Variants in MAPKAP1 observed in about 807,000 individuals in gnomAD.
MAPKAP1 encodes the protein MAPK associated protein 1.
In MAPKAP1, 20 loss-of-function variants were observed where a neutral mutation model predicts 65.7. That is an observed-to-expected ratio of 0.30 (90% confidence interval 0.21 to 0.44). The LOEUF (loss-of-function observed/expected upper bound fraction) is 0.44. Among genes scored for constraint, MAPKAP1 ranks in the 20% least tolerant of loss-of-function variants. The pLI, the probability that MAPKAP1 is intolerant of heterozygous loss-of-function variation, is 1.00. For synonymous variants in MAPKAP1, 222 were observed against 244.3 expected, an observed-to-expected ratio of 0.91 and a Z score of 0.85; for missense variants, 423 against 648.0, an observed-to-expected ratio of 0.65 and a Z score of 3.77.
intron 5 of MAPKAP1, among the ~76,000 whole-genome samples, chr9:125,566,691 T>C (rs897617886): frequency 2.0e-5 from 3 of 152,200 alleles, no homozygotes; most frequent in Non-Finnish European, 2.9e-5. Flanking sequence ...GAGAAACCTA[T>C]TTCTATAGGA....
intron 8 of MAPKAP1, among the ~76,000 whole-genome samples, chr9:125,485,032 C>T (rs1311155727): frequency 2.6e-5 from 4 of 152,164 alleles, no homozygotes; most frequent in African/African-American, 7.2e-5. Flanking sequence ...TCTCACCCTG[C>T]GCCCCACAGC....
intron 1 of MAPKAP1, among the ~76,000 whole-genome samples, chr9:125,703,079 A>G (rs1835652055): frequency 6.6e-6 from 1 of 152,124 alleles, no homozygotes; most frequent in South Asian, 2.1e-4. Context: ...TCTTTTCCAA[A>G]AAGTGTCAAA....
chr9:125,706,053 C>G (rs1003997307), intron 1 of MAPKAP1, among the ~76,000 whole-genome samples: 2 of 152,074 alleles, frequency 1.3e-5, no homozygotes, highest in African/African-American at 2.4e-5. Context: ...ACCAGCATGC[C>G]CCAAATCCCG....
intron 4 of MAPKAP1, among the ~76,000 whole-genome samples, chr9:125,597,014 A>T (rs1301975650): frequency 3.3e-5 from 5 of 150,004 alleles, no homozygotes; most frequent in Admixed American, 2.7e-4. Flanking sequence ...CTGTAATCCC[A>T]GCACTTTGGA....
At chr9:125,567,881 G>A (rs1198202536) in intron 5 of MAPKAP1, 1 of 152,226 alleles carries the variant, frequency 6.6e-6, no homozygotes, top group African/African-American at 2.4e-5. Flanking sequence ...AGCTAACTTT[G>A]GGTAAGTGGT....
intron 8 of MAPKAP1, among the ~76,000 whole-genome samples, chr9:125,493,058 A>C (rs1391255386): frequency 6.6e-6 from 1 of 151,242 alleles, no homozygotes; most frequent in African/African-American, 2.4e-5. Flanking sequence ...CCTTTGGCAC[A>C]GTGTGTGAAG....
chr9:125,476,496 A>G (rs1854116227), intron 9 of MAPKAP1, among the ~76,000 whole-genome samples: 1 of 152,176 alleles, frequency 6.6e-6, no homozygotes, highest in African/African-American at 2.4e-5. Context: ...ACTTCCTAAG[A>G]ACACGCATGT....
At chr9:125,564,441 A>G (rs1830987461) in intron 5 of MAPKAP1, among the ~76,000 whole-genome samples, 1 of 152,120 alleles carries the variant, frequency 6.6e-6, no homozygotes, top group South Asian at 2.1e-4. Flanking sequence ...TCCTTTCTTT[A>G]TAAAAGATTT....
chr9:125,583,956 G>GGGA (rs1002011145), intron 5 of MAPKAP1, among the ~76,000 whole-genome samples: 3 of 152,060 alleles, frequency 2.0e-5, no homozygotes, highest in Non-Finnish European at 2.9e-5. Flanking sequence ...CCAGCTACTC[G>GGGA]GGAGGCTGAG....
At chr9:125,640,113 T>C (rs1833534765) in intron 4 of MAPKAP1, among the ~76,000 whole-genome samples, 1 of 151,108 alleles carries the variant, frequency 6.6e-6, no homozygotes, top group Non-Finnish European at 1.5e-5. Context: ...TGTTTATCCC[T>C]TTTTTTTTGA....
chr9:125,586,156 C>T (rs1402499700), intron 4 of MAPKAP1, among the ~76,000 whole-genome samples: 3 of 152,108 alleles, frequency 2.0e-5, no homozygotes, highest in African/African-American at 4.8e-5. Context: ...GATTTAGGCC[C>T]GCAGCACTGA....
chr9:125,488,532 G>C (rs1854580545), intron 8 of MAPKAP1, among the ~76,000 whole-genome samples: 1 of 152,192 alleles, frequency 6.6e-6, no homozygotes, highest in Admixed American at 6.5e-5. Flanking sequence ...TTTTAGGAGA[G>C]ATGGGATTTC....
chr9:125,626,744 A>G (rs548776309), intron 4 of MAPKAP1, among the ~76,000 whole-genome samples: 2 of 152,304 alleles, frequency 1.3e-5, no homozygotes, highest in Middle Eastern at 3.4e-3. Context: ...AATAAAGTAG[A>G]TACATTTAAT....
chr9:125,651,017 A>C (rs945440768), intron 4 of MAPKAP1, among the ~76,000 whole-genome samples: 10 of 152,160 alleles, frequency 6.6e-5, no homozygotes, highest in Non-Finnish European at 1.3e-4. Context: ...CCTAGGCTGG[A>C]GTGCAGTGGT....
intron 3 of MAPKAP1, among the ~76,000 whole-genome samples, chr9:125,665,701 C>G (rs1442319196): frequency 1.3e-5 from 2 of 151,614 alleles, no homozygotes; most frequent in African/African-American, 4.8e-5. Context: ...ATCAAGAATT[C>G]CACAGGTGAG....
chr9:125,493,652 C>T (rs909318153), intron 8 of MAPKAP1, among the ~76,000 whole-genome samples: 4 of 152,210 alleles, frequency 2.6e-5, no homozygotes, highest in Admixed American at 6.5e-5. Context: ...TCAGACTCCC[C>T]AACAGACTAG....
chr9:125,560,196 T>C (rs964022112), intron 5 of MAPKAP1, among the ~76,000 whole-genome samples: 3 of 151,984 alleles, frequency 2.0e-5, no homozygotes, highest in Admixed American at 2.0e-4. Flanking sequence ...AAAAAATATA[T>C]ATATAAAACA....
In MAPKAP1 at chr9:125,688,321, A is replaced by G. The variant is rs1445688547; in HGVS notation, c.-69-15678T>C. ...ACCCTGCTAATTTTGTATTTTTAGT[A>G]GAGACCGGGTTTCACCATGTTGGCC... On this transcript the variant is annotated intron_variant, in intron 1 of 11. Coordinates refer to ENST00000265960, the MANE Select transcript of MAPKAP1 (RefSeq NM_001006617.3). Among the ~76,000 whole-genome samples, 7 of 152,264 alleles carry G rather than the reference A, an allele frequency of 4.6e-5. No individual in the cohort carries two copies. The East Asian group carries it at 1.4e-3, about 29-fold the overall frequency.
chr9:125,569,987 G>A (rs1831178556), intron 5 of MAPKAP1, among the ~76,000 whole-genome samples: 1 of 152,186 alleles, frequency 6.6e-6, no homozygotes, highest in Non-Finnish European at 1.5e-5. Context: ...TCTAAATTAT[G>A]CAGGTCAGAT....
Sources: allele counts gnomAD v4.1 joint callset (sites outside exome capture counted in the v4.1 genomes callset), GRCh38; gene constraint gnomAD v4.1.1; transcripts MANE v1.5; gene names NCBI Gene and HGNC (gene_info 2026-07-23, HGNC 2026-07-21).